MTCL1: variants seen among roughly 807,000 people sequenced by gnomAD.
The protein encoded by MTCL1 is microtubule cross-linking factor 1.
In MTCL1, 79 loss-of-function variants were observed where a neutral mutation model predicts 141.4. The ratio of observed to expected loss-of-function variants is 0.56; its 90% CI spans 0.47 to 0.67. The LOEUF is 0.67. Ranked by LOEUF, MTCL1 falls within the 30% of genes least tolerant of loss-of-function variation. The pLI, the probability that MTCL1 is intolerant of heterozygous loss-of-function variation, is 0.00. For synonymous variants in MTCL1, 914 were observed against 875.8 expected, an observed-to-expected ratio of 1.04 and a Z score of -0.77; for missense variants, 2,177 against 2,113.9, an observed-to-expected ratio of 1.03 and a Z score of -0.59.
intron 13 of MTCL1, among the ~76,000 whole-genome samples, chr18:8,819,520 G>T (rs1473795492): frequency 6.6e-6 from 1 of 152,198 alleles, no homozygotes; most frequent in African/African-American, 2.4e-5. Flanking sequence ...ACAAAAGGAA[G>T]GTCTCACAAA....
At chr18:8,809,452 G>T (rs1422047099) in intron 11 of MTCL1, 2 of 1,535,216 alleles carry the variant, frequency 1.3e-6, no homozygotes, top group East Asian at 4.9e-5. Flanking sequence ...CGTTAGAATT[G>T]TTGTGGATAT....
At chr18:8,811,826 A>C (rs2076497409) in intron 11 of MTCL1, among the ~76,000 whole-genome samples, 1 of 152,220 alleles carries the variant, frequency 6.6e-6, no homozygotes, top group East Asian at 1.9e-4. Context: ...AAAGTATACA[A>C]TTTGTTAAAA....
chr18:8,796,182 G>A (rs1479689563), intron 8 of MTCL1, 50 bp from the exon 8 acceptor site: 1 of 1,591,448 alleles, frequency 6.3e-7, no homozygotes, highest in African/African-American at 1.3e-5. Flanking sequence ...TGGTTTGGGT[G>A]GCGGATTGGA....
rs745317189 is a variant in MTCL1, at chr18:8,824,810, CCT to C, written c.3301_3302del (p.Leu1101ValfsTer110). On this transcript the variant is annotated frameshift_variant, in exon 15 of 17. Coordinates refer to ENST00000359865, the Ensembl canonical transcript of MTCL1. LOFTEE classifies it high-confidence loss of function. Reference sequence around the variant, plus strand: ...GCAGCAAGGAGGATGTCACCCCACCCCTGTCTCCAGACGACCTCAAGTACATC... The same window carrying C: ...GCAGCAAGGAGGATGTCACCCCACCCGTCTCCAGACGACCTCAAGTACATC... 4 of 1,614,190 alleles carry C rather than the reference CCT, an allele frequency of 2.5e-6. No individual in the cohort carries two copies. Among genetic ancestry groups the C allele is most frequent in the East Asian group, 2.2e-5 (1 of 44,878 alleles).
chr18:8,830,904 A>C lies in MTCL1; in HGVS notation c.*19-703A>C. 1 of 985,524 alleles carries C rather than the reference A, an allele frequency of 1.0e-6. No individual in the cohort carries two copies. Among genetic ancestry groups the C allele is most frequent in the Non-Finnish European group, 1.2e-6 (1 of 830,000 alleles). 61.0% of individuals were successfully genotyped at this position (985,524 alleles called of 1,614,324 possible). A position where few individuals can be genotyped will look rare whatever the true frequency, so the allele number is the denominator to read the frequency against. Reference sequence around the variant, plus strand: ...CACATGGTTGAGTGTGTCTTGCATCACCTGCTCGCAGAACATTAGGATGCC... The same window carrying C: ...CACATGGTTGAGTGTGTCTTGCATCCCCTGCTCGCAGAACATTAGGATGCC... On this transcript the variant is annotated intron_variant, in intron 16 of 16. Transcript: ENST00000359865. The surrounding 1 kb of genome is among the most constrained non-coding windows in gnomAD (Gnocchi z 6.4).
At chr18:8,796,165 C>T (rs2075911181) in intron 8 of MTCL1, 67 bp from the exon 8 acceptor site, 1 of 1,535,042 alleles carries the variant, frequency 6.5e-7, no homozygotes, top group Non-Finnish European at 9.0e-7. Context: ...TGCAGGGACT[C>T]TTGGTTTGGT....
intron 4 of MTCL1, among the ~76,000 whole-genome samples, chr18:8,739,254 T>A (rs1037470732): frequency 1.3e-5 from 2 of 151,684 alleles, no homozygotes; most frequent in Non-Finnish European, 2.9e-5. Context: ...CTAAAAAAAT[T>A]AAAAATTAAA....
upstream of MTCL1, among the ~76,000 whole-genome samples, chr18:8,716,557 TTC>T (rs1405673031): frequency 6.8e-6 from 1 of 146,390 alleles, no homozygotes; most frequent in Non-Finnish European, 1.5e-5. Context: ...TTCAGGAGAT[TTC>T]TTTTTGTTCA....
At chr18:8,788,370 CA>C (rs1452818701) in intron 7 of MTCL1, among the ~76,000 whole-genome samples, 1 of 152,116 alleles carries the variant, frequency 6.6e-6, no homozygotes, top group African/African-American at 2.4e-5. Flanking sequence ...GGAGGGGGCC[CA>C]ATAGCACACC....
chr18:8,738,940 T>TA (rs936780983), intron 4 of MTCL1, among the ~76,000 whole-genome samples: 218 of 152,150 alleles, frequency 1.4e-3, no homozygotes, highest in Non-Finnish European at 2.1e-3. Flanking sequence ...CTTGTTCATC[T>TA]AAAAAAAATC....
intron 4 of MTCL1, among the ~76,000 whole-genome samples, chr18:8,753,532 A>G (rs1249500148): frequency 6.6e-6 from 1 of 152,156 alleles, no homozygotes; most frequent in African/African-American, 2.4e-5. Context: ...ATGGGCCCAG[A>G]TGGATGCCTT....
exon 6 of MTCL1, chr18:8,784,800 C>G (rs769099487): frequency 3.7e-6 from 6 of 1,608,300 alleles, no homozygotes; most frequent in Admixed American, 3.3e-5. Flanking sequence ...TCCCGGGACT[C>G]CCCCATCGGG....
intron 4 of MTCL1, among the ~76,000 whole-genome samples, chr18:8,727,473 A>G (rs2096223378): frequency 6.6e-6 from 1 of 152,102 alleles, no homozygotes; most frequent in Non-Finnish European, 1.5e-5. Flanking sequence ...TTGATGTTTT[A>G]ATAACAGCCA....
chr18:8,755,835 C>G (rs1215133987), intron 4 of MTCL1, among the ~76,000 whole-genome samples: 1 of 152,178 alleles, frequency 6.6e-6, no homozygotes, highest in Admixed American at 6.5e-5. Flanking sequence ...TTTGTTAGGT[C>G]TGTATTCAGA....
chr18:8,825,225 C>A (rs750635320), exon 15 of MTCL1: 3 of 1,596,910 alleles, frequency 1.9e-6, no homozygotes. Flanking sequence ...CAGCAGGTGG[C>A]CTTGCACCTC....
At chr18:8,786,344 T>C (rs1055037235) in intron 7 of MTCL1, 2 of 679,602 alleles carry the variant, frequency 2.9e-6, no homozygotes. Context: ...CCACCTCCTG[T>C]TTCCGCAGAC....
chr18:8,773,455 C>G (rs1349245956), intron 4 of MTCL1, among the ~76,000 whole-genome samples: 1 of 152,196 alleles, frequency 6.6e-6, no homozygotes, highest in Non-Finnish European at 1.5e-5. Context: ...TTGCAAGATA[C>G]TACTCTTTTG....
At chr18:8,819,975 TG>T (rs1193481087) in intron 13 of MTCL1, among the ~76,000 whole-genome samples, 1 of 152,158 alleles carries the variant, frequency 6.6e-6, no homozygotes, top group East Asian at 1.9e-4. Flanking sequence ...AAAAATATTC[TG>T]GGCAAAGGGA....
exon 1 of MTCL1, chr18:8,706,636 C>T: frequency 1.3e-6 from 2 of 1,546,364 alleles, no homozygotes; most frequent in East Asian, 2.5e-5. Context: ...CGAGCAGTCT[C>T]GGCTCGTGCC....
Sources: allele counts gnomAD v4.1 joint callset (sites outside exome capture counted in the v4.1 genomes callset), GRCh38; gene constraint gnomAD v4.1.1; non-coding constraint Gnocchi (gnomAD v3.1); transcripts MANE v1.5; gene names NCBI Gene and HGNC (gene_info 2026-07-23, HGNC 2026-07-21).